The following CMIP variants were observed in gnomAD, a reference collection of about 807,000 sequenced individuals.
CMIP encodes the protein c-Maf inducing protein.
In CMIP, 13 loss-of-function variants were observed where a neutral mutation model predicts 97.3. The observed-to-expected ratio is 0.13, with a 90% CI of 0.09 to 0.21. The LOEUF (loss-of-function observed/expected upper bound fraction) is 0.21. CMIP is among the 10% of genes least tolerant of loss of function. The probability of loss-of-function intolerance (pLI) is 1.00; values close to 1 mark genes in which losing one functional copy is unlikely to be tolerated. For synonymous variants in CMIP, 538 were observed against 436.3 expected (o/e 1.23, Z -2.91); for missense variants, 847 against 1,024.9 (o/e 0.83, Z 2.37).
chr16:81,664,209 C>T (rs1244583532), intron 6 of CMIP, 60 bp from the exon 7 acceptor site: 1 of 1,497,640 alleles, frequency 6.7e-7, no homozygotes, highest in Non-Finnish European at 9.0e-7. Flanking sequence ...TGCTAGCAGC[C>T]ACGGGCTGTG....
intron 3 of CMIP, among the ~76,000 whole-genome samples, chr16:81,642,186 T>C (rs1735693846): frequency 6.6e-6 from 1 of 152,224 alleles, no homozygotes; most frequent in South Asian, 2.1e-4. Context: ...CAGCCCTTGA[T>C]ATGTAGTAGC....
In CMIP at chr16:81,607,557, T is replaced by C. The variant is rs377576439; in HGVS notation, c.301-10T>C. The stretch of plus-strand genomic sequence containing the variant: ...AATGCATATCTCTTCTTTTTCTTTT[T>C]TTGCTGCAGCCAACTGGGTACATGG... On this transcript the variant is annotated splice_polypyrimidine_tract_variant and intron_variant, in intron 1 of 20. Transcript: ENST00000537098. The C allele has an allele frequency of 9.9e-6, 16 of 1,613,276 alleles. No individual in the cohort carries two copies. The African/African-American group carries it at 2.0e-4, about 20-fold the overall frequency.
chr16:81,506,621 G>A (rs774349957), intron 1 of CMIP, among the ~76,000 whole-genome samples: 2 of 152,224 alleles, frequency 1.3e-5, no homozygotes, highest in Non-Finnish European at 2.9e-5. Flanking sequence ...AGAAAATAAA[G>A]TGGAACTTTG....
intron 10 of CMIP, among the ~76,000 whole-genome samples, chr16:81,679,144 GC>G (rs1904604257): frequency 6.6e-6 from 1 of 152,216 alleles, no homozygotes; most frequent in Non-Finnish European, 1.5e-5. Context: ...GTCTTTGTGT[GC>G]CTGAACGGCC....
chr16:81,455,210 G>A (rs903749160), intron 1 of CMIP, among the ~76,000 whole-genome samples: 6 of 152,170 alleles, frequency 3.9e-5, no homozygotes, highest in Non-Finnish European at 7.3e-5. Context: ...TCTCCGAGTC[G>A]CCAGGACCAG....
chr16:81,515,727 C>G (rs759693734), intron 1 of CMIP, among the ~76,000 whole-genome samples: 3 of 152,168 alleles, frequency 2.0e-5, no homozygotes, highest in African/African-American at 7.2e-5. Flanking sequence ...CCTTGGGGTC[C>G]GTTCCTTGTC....
chr16:81,466,595 C>A (rs1567529889), intron 1 of CMIP, among the ~76,000 whole-genome samples: 1 of 152,182 alleles, frequency 6.6e-6, no homozygotes, highest in Non-Finnish European at 1.5e-5. Context: ...GGAAGCACTT[C>A]TTATTGGTAT....
intron 4 of CMIP, 25 bp from the exon 5 acceptor site, chr16:81,657,750 C>G: frequency 6.3e-7 from 1 of 1,580,164 alleles, no homozygotes; most frequent in South Asian, 1.2e-5. Flanking sequence ...TGTTTTCCTC[C>G]TGCTGTCTCC....
chr16:81,469,711 G>A (rs1907410298), intron 1 of CMIP, among the ~76,000 whole-genome samples: 1 of 152,212 alleles, frequency 6.6e-6, no homozygotes, highest in African/African-American at 2.4e-5. Flanking sequence ...CATTGGGCAA[G>A]TTAGTTATTG....
At chr16:81,596,361 C>T (rs2091556372) in intron 1 of CMIP, among the ~76,000 whole-genome samples, 1 of 152,044 alleles carries the variant, frequency 6.6e-6, no homozygotes, top group Non-Finnish European at 1.5e-5. Flanking sequence ...CAGAAATTAG[C>T]TGTCTGTGGT....
chr16:81,506,440 T>A (rs1345595049), intron 1 of CMIP, among the ~76,000 whole-genome samples: 1 of 152,222 alleles, frequency 6.6e-6, no homozygotes, highest in African/African-American at 2.4e-5. Flanking sequence ...AAGACCTCAT[T>A]CTTCCTTACA....
rs1452122372 is a variant in CMIP, at chr16:81,655,773, G to A, written c.640-2002G>A. ...TATAGACTTTAGAGTAAGGACAGACGGGTTCATATCCTCACTGCAGCCCCT... is the reference window on the plus strand; with the variant it reads ...TATAGACTTTAGAGTAAGGACAGACAGGTTCATATCCTCACTGCAGCCCCT... On this transcript the variant is annotated intron_variant, in intron 4 of 20. Coordinates refer to ENST00000537098, the MANE Select transcript of CMIP (RefSeq NM_198390.3). The surrounding 1 kb of genome is among the most constrained non-coding windows in gnomAD (Gnocchi z 4.9). Among the ~76,000 whole-genome samples, 3 of 152,168 alleles carry A rather than the reference G, an allele frequency of 2.0e-5. No homozygotes were observed. Among genetic ancestry groups the A allele is most frequent in the Non-Finnish European group, 4.4e-5 (3 of 68,028 alleles).
intron 1 of CMIP, among the ~76,000 whole-genome samples, chr16:81,457,219 G>C (rs1262494335): frequency 6.6e-6 from 1 of 152,008 alleles, no homozygotes. Flanking sequence ...TTCCCCAGTT[G>C]GAGCCAGGGC....
chr16:81,686,404 C>T (rs1905392915), intron 10 of CMIP, among the ~76,000 whole-genome samples: 1 of 152,204 alleles, frequency 6.6e-6, no homozygotes, highest in Non-Finnish European at 1.5e-5. Context: ...CTGGGCCTTC[C>T]GCACTCAAGC....
At chr16:81,691,991 C>G (rs1015469685) in intron 11 of CMIP, among the ~76,000 whole-genome samples, 151 bp downstream of exon 11, 2 of 152,168 alleles carry the variant, frequency 1.3e-5, no homozygotes, top group African/African-American at 4.8e-5. Context: ...CAGCCACGTC[C>G]TCAGCTGTGG....
intron 1 of CMIP, among the ~76,000 whole-genome samples, chr16:81,471,215 T>C (rs1907518012): frequency 6.6e-6 from 1 of 151,346 alleles, no homozygotes; most frequent in African/African-American, 2.4e-5. Flanking sequence ...CGCACACACA[T>C]ACATGTACAC....
intron 1 of CMIP, among the ~76,000 whole-genome samples, chr16:81,501,110 T>G (rs1401957189): frequency 1.3e-5 from 2 of 152,226 alleles, no homozygotes; most frequent in Non-Finnish European, 1.5e-5. Flanking sequence ...CTACTGAGAA[T>G]CTGAAACTTC....
At chr16:81,664,579 A>G (rs1471123207) in intron 7 of CMIP, 1 of 580,564 alleles carries the variant, frequency 1.7e-6, no homozygotes, top group African/African-American at 1.9e-5. Flanking sequence ...TTACAAAAAT[A>G]CCGCAGCTGG....
intron 1 of CMIP, among the ~76,000 whole-genome samples, chr16:81,552,768 C>A (rs188912154): frequency 2.0e-5 from 3 of 152,210 alleles, no homozygotes; most frequent in African/African-American, 7.2e-5. Flanking sequence ...TTGTGCCTAC[C>A]ACCAGGGGCC....
Sources: allele counts gnomAD v4.1 joint callset (sites outside exome capture counted in the v4.1 genomes callset), GRCh38; gene constraint gnomAD v4.1.1; non-coding constraint Gnocchi (gnomAD v3.1); transcripts MANE v1.5; gene names NCBI Gene and HGNC (gene_info 2026-07-23, HGNC 2026-07-21).